GET4: variants seen among roughly 807,000 people sequenced by gnomAD.
GET4 encodes the protein Golgi to ER traffic protein 4 homolog.
Under a neutral mutation model 40.0 loss-of-function variants are expected in GET4, and 20 were observed. The observed-to-expected ratio is 0.50, with a 90% CI of 0.35 to 0.73. The LOEUF is 0.73. Among genes scored for constraint, GET4 ranks in the 30% least tolerant of loss-of-function variants. The pLI is 0.01. For synonymous variants in GET4, 280 were observed against 194.6 expected (o/e 1.44, Z -3.65); for missense variants, 557 against 454.0 (o/e 1.23, Z -2.06).
intron 1 of GET4, chr7:881,508 G>A (rs1319893038): frequency 1.3e-5 from 2 of 152,332 alleles, no homozygotes; most frequent in East Asian, 3.9e-4. Context: ...AGCGTCCGCA[G>A]TTCCTTTTAT....
chr7:894,122 TTA>T, intron 8 of GET4, 151 bp downstream of exon 8: 1 of 582,936 alleles, frequency 1.7e-6, no homozygotes, highest in Non-Finnish European at 3.0e-6. Context: ...TAGTAGGAAA[TTA>T]TTAGATTTCA....
chr7:895,225 T>G, intron 8 of GET4, 109 bp from the exon 9 acceptor site: 1 of 617,276 alleles, frequency 1.6e-6, no homozygotes, highest in African/African-American at 1.9e-5. Context: ...AGGCTTTTGC[T>G]TGTTCCATGG....
At chr7:892,235 G>T (rs1318122698) in intron 5 of GET4, 43 bp from the exon 6 acceptor site, 2 of 1,578,090 alleles carry the variant, frequency 1.3e-6, no homozygotes, top group Admixed American at 3.4e-5. Context: ...GGCAGAAGCT[G>T]TGTCCTCCAG....
Position 890,727 on chromosome 7 carries a change from C to T in GET4, c.467-201C>T, listed in dbSNP as rs113770520. Among the ~76,000 whole-genome samples, 418 of 152,148 alleles carry T rather than the reference C, an allele frequency of 2.7e-3. 2 individuals carry two copies. Among genetic ancestry groups the T allele is most frequent in the African/African-American group, 9.0e-3 (375 of 41,504 alleles). ...GTTGCATAGCTGAGTGACTTTTCCCCGTGGATCTGTTGATTTGGTGCTGCG... is the reference window on the plus strand; with the variant it reads ...GTTGCATAGCTGAGTGACTTTTCCCTGTGGATCTGTTGATTTGGTGCTGCG... On this transcript the variant is annotated intron_variant, in intron 4 of 8. Transcript: ENST00000265857.
At chr7:886,203 C>A in intron 2 of GET4, 69 bp downstream of exon 2, 1 of 985,020 alleles carries the variant, frequency 1.0e-6, no homozygotes, top group South Asian at 1.3e-5. Flanking sequence ...GGAATGACCT[C>A]CCACCTCCAC....
At chr7:886,715 C>G in intron 3 of GET4, 65 bp downstream of exon 3, 2 of 1,041,962 alleles carry the variant, frequency 1.9e-6, no homozygotes, top group Non-Finnish European at 3.0e-6. Flanking sequence ...CTCCCCGGGT[C>G]TCTGCGCTGT....
chr7:886,253 G>A, intron 2 of GET4, 119 bp downstream of exon 2: 1 of 701,066 alleles, frequency 1.4e-6, no homozygotes, highest in Non-Finnish European at 2.5e-6. Flanking sequence ...TCGGCCACTG[G>A]GGCTGTGGGT....
chr7:891,050 G>A lies in GET4; in HGVS notation c.589G>A (p.Ala197Thr), dbSNP rs201473801. ...CCGCAGCGAGGTGGACATGTTCGTGGCCCAGGCCGTGCTACAGTAGGTGTC... is the reference window on the plus strand; with the variant it reads ...CCGCAGCGAGGTGGACATGTTCGTGACCCAGGCCGTGCTACAGTAGGTGTC... ...GFRSEVDMFV[A>T]QAVLQFLCLK... Residue 197 changes from alanine (A) to threonine (T), a missense_variant, in exon 5 of 9, where the codon GCC (alanine) becomes ACC (threonine). Coordinates refer to ENST00000265857, the MANE Select transcript of GET4 (RefSeq NM_015949.3). 291 of 1,605,204 alleles carry A rather than the reference G, an allele frequency of 1.8e-4. No homozygotes were observed. Among genetic ancestry groups the A allele is most frequent in the Non-Finnish European group, 2.2e-4 (254 of 1,174,146 alleles).
intron 4 of GET4, among the ~76,000 whole-genome samples, chr7:890,320 G>A (rs867037473): frequency 1.3e-4 from 5 of 37,628 alleles, no homozygotes; most frequent in Admixed American, 2.8e-4. Flanking sequence ...GAGGGAGCGC[G>A]AGCGGGTGTC....
At chr7:895,272 A>AGGGGCTTG (rs1844451934) in intron 8 of GET4, 62 bp from the exon 9 acceptor site, 1 of 771,728 alleles carries the variant, frequency 1.3e-6, no homozygotes, top group Non-Finnish European at 2.2e-6. Context: ...TGTGGGAAGG[A>AGGGGCTTG]GGGGCTTGGG....
chr7:891,334 C>T (rs1361202833), intron 5 of GET4, among the ~76,000 whole-genome samples: 3 of 152,208 alleles, frequency 2.0e-5, no homozygotes, highest in Non-Finnish European at 2.9e-5. Context: ...TGCCGGGAGG[C>T]CCTGTGGTCT....
In GET4 at chr7:883,509, T is replaced by G. The variant is rs571068542; in HGVS notation, c.156-2547T>G. 5.1e-6 allele frequency: 5 copies of G among 985,366 alleles called. No homozygotes were observed. In the East Asian group the frequency reaches 4.5e-4, roughly 89 times the overall value. 61.0% of individuals were successfully genotyped at this position (985,366 alleles called of 1,614,324 possible). On this transcript the variant is annotated intron_variant, in intron 1 of 8. Transcript: ENST00000265857. ...AAGAGAAGAGCAAAATCAGCTAGAT[T>G]GTTTGCCCAGACACTTTGCTCTGTG...
At chr7:888,295 C>T (rs145130830) in intron 4 of GET4, among the ~76,000 whole-genome samples, 2 of 152,316 alleles carry the variant, frequency 1.3e-5, no homozygotes, top group African/African-American at 2.4e-5. Flanking sequence ...CACAGTGTGG[C>T]GCGGGAGCAG....
intron 4 of GET4, among the ~76,000 whole-genome samples, chr7:888,296 G>A (rs1378309495): frequency 1.3e-5 from 2 of 152,200 alleles, no homozygotes; most frequent in Admixed American, 1.3e-4. Context: ...ACAGTGTGGC[G>A]CGGGAGCAGC....
chr7:884,145 C>G (rs1325847771), intron 1 of GET4: 2 of 1,271,666 alleles, frequency 1.6e-6, no homozygotes, highest in African/African-American at 1.5e-5. Context: ...TAGAAGCATC[C>G]AGAACGCTGT....
chr7:884,219 TGGCCCCACTGGCGGCATC>T, intron 1 of GET4: 3 of 1,303,956 alleles, frequency 2.3e-6, no homozygotes, highest in Non-Finnish European at 3.0e-6. Context: ...GTTCTGCCCG[TGGCCCCACTGGCGGCATC>T]GTGAGGCCAG....
rs564958468 is a variant in GET4, at chr7:895,471, C to A, written c.*49C>A. ...CCACGGTCGACGACGGCTGGAGGGA[C>A]GTTTCAGAGGCGAGTCCTGGGTGGC... On this transcript the variant is annotated 3_prime_UTR_variant, in exon 9 of 9. Coordinates refer to ENST00000265857, the MANE Select transcript of GET4 (RefSeq NM_015949.3). 3.0e-6 allele frequency: 3 copies of A among 998,390 alleles called. No homozygotes were observed. The highest frequency in any genetic ancestry group is 4.7e-6 in the Non-Finnish European group (3 of 636,272). The allele number at this position is 998,390 out of a possible 1,614,324, so 61.8% of individuals were successfully genotyped here. A position where few individuals can be genotyped will look rare whatever the true frequency, so the allele number is the denominator to read the frequency against.
rs758096556 is a variant in GET4, at chr7:892,369, G to T, written c.697G>T (p.Val233Leu). ...GTCCATCGAGGACGGGCCTCCGTTT[G>T]TGGAGCCGCTGCTTAACTTCATCTG... is the stretch of plus-strand genomic sequence containing the variant. ...HPSIEDGPPF[V>L]EPLLNFIWFL... Residue 233 changes from valine to leucine, a missense_variant, in exon 6 of 9, where the codon GTG becomes TTG. Val to Leu is a conservative substitution (Grantham distance 32). Coordinates refer to ENST00000265857, the MANE Select transcript of GET4 (RefSeq NM_015949.3). 1.9e-6 allele frequency: 3 copies of T among 1,594,180 alleles called. No homozygotes were observed. The highest frequency in any genetic ancestry group is 2.6e-6 in the Non-Finnish European group (3 of 1,163,536).
intron 1 of GET4, chr7:883,690 C>G: frequency 1.0e-6 from 1 of 985,716 alleles, no homozygotes; most frequent in Non-Finnish European, 1.2e-6. Context: ...CGGGAGAAGG[C>G]CCGGCCATGC....
Sources: gnomAD v4.1 joint callset for allele counts (sites outside exome capture counted in the v4.1 genomes callset) on GRCh38, gnomAD v4.1.1 for gene constraint, MANE v1.5 for transcripts, NCBI Gene and HGNC (gene_info 2026-07-23, HGNC 2026-07-21) for gene names.